The following NBPF20 variants were observed in gnomAD, a reference collection of about 807,000 sequenced individuals.
NBPF20 encodes NBPF family member NBPF20.
A neutral mutation model predicts 68.1 loss-of-function variants in NBPF20; 90 were observed. That is an observed-to-expected ratio of 1.32 (90% CI 1.11 to 1.58). NBPF20 has a LOEUF of 1.58. Ranked by LOEUF, NBPF20 falls within the 40% of genes most tolerant of loss-of-function variation. NBPF20 has a pLI of 0.00. For missense variants in NBPF20, 816 were observed against 601.2 expected (o/e 1.36, Z -3.74); for synonymous variants, 290 against 228.1 (o/e 1.27, Z -2.45).
exon 8 of NBPF20, chr1:145,395,081 C>G: frequency 6.2e-7 from 1 of 1,608,878 alleles, no homozygotes. Context: ...TTGAGAGAGT[C>G]GAATAACCTT....
At chr1:145,406,023 A>G (rs1476816425), upstream of NBPF20, among the ~76,000 whole-genome samples, 5 of 147,034 alleles carry the variant, frequency 3.4e-5, no homozygotes, top group African/African-American at 1.3e-4. Context: ...GGTTCACGCT[A>G]TTCTCCTGCC....
chr1:145,311,938 A>G (rs1437354849), intron 112 of NBPF20, among the ~76,000 whole-genome samples: 73 of 107,380 alleles, frequency 6.8e-4, no homozygotes, highest in Admixed American at 1.4e-3. Context: ...AGTTGTGTGA[A>G]TTTGTCACAT....
chr1:145,292,733 G>C (rs1553658488), intron 136 of NBPF20, among the ~76,000 whole-genome samples: 2 of 136,296 alleles, frequency 1.5e-5, no homozygotes, highest in East Asian at 2.1e-4. Context: ...TTTGTCCCAA[G>C]TTTGTGCAAA....
the NBPF20 span, among the ~76,000 whole-genome samples, chr1:145,423,274 A>G: frequency 1.3e-5 from 2 of 152,062 alleles, no homozygotes; most frequent in Admixed American, 6.5e-5. Context: ...CCCCATCTCT[A>G]CTAAAAATAC....
chr1:145,409,507 T>C (rs1372822620), upstream of NBPF20, among the ~76,000 whole-genome samples: 1 of 144,440 alleles, frequency 6.9e-6, no homozygotes, highest in Non-Finnish European at 1.5e-5. Flanking sequence ...TTTGCCTAGG[T>C]TTTTCCTGGG....
intron 15 of NBPF20, among the ~76,000 whole-genome samples, 190 bp from the exon 21 acceptor site, chr1:145,388,680 CAGAG>C (rs1272087669): frequency 2.7e-4 from 6 of 22,062 alleles, no homozygotes; most frequent in African/African-American, 8.1e-4. Flanking sequence ...AAGAGAAAGA[CAGAG>C]AGAGAGAGAG....
chr1:145,407,221 T>G (rs1444798892), upstream of NBPF20, among the ~76,000 whole-genome samples: 1 of 150,604 alleles, frequency 6.6e-6, no homozygotes, highest in East Asian at 1.9e-4. Flanking sequence ...GGGTGGGAAC[T>G]GAACAATGAG....
intron 5 of NBPF20, 67 bp from the exon 11 acceptor site, chr1:145,400,661 C>A (rs1237210794): frequency 6.4e-7 from 1 of 1,561,494 alleles, no homozygotes; most frequent in Non-Finnish European, 8.8e-7. Flanking sequence ...CCAGGGAGTC[C>A]TAGCTGGTTT....
chr1:145,419,323 A>G, the NBPF20 span, among the ~76,000 whole-genome samples: 1 of 152,170 alleles, frequency 6.6e-6, no homozygotes, highest in African/African-American at 2.4e-5. Context: ...TTTTCCATTA[A>G]CAGGAACACG....
upstream of NBPF20, among the ~76,000 whole-genome samples, chr1:145,410,181 G>A (rs1256392079): frequency 1.3e-5 from 2 of 151,858 alleles, no homozygotes; most frequent in African/African-American, 4.8e-5. Flanking sequence ...TCACCAACAG[G>A]TGCTATTTTC....
upstream of NBPF20, among the ~76,000 whole-genome samples, chr1:145,406,199 A>G (rs200097338): frequency 2.7e-5 from 4 of 148,968 alleles, no homozygotes; most frequent in Non-Finnish European, 4.4e-5. Context: ...CTCCCAAAGT[A>G]CTGGGATTAC....
intron 3 of NBPF20, 70 bp from the exon 9 acceptor site, chr1:145,402,451 G>C (rs1209021993): frequency 5.1e-6 from 8 of 1,556,130 alleles, no homozygotes; most frequent in Middle Eastern, 2.3e-4. Context: ...TTGCAACAGA[G>C]ATTTCTGAGA....
chr1:145,291,321 T>A (rs587706233), exon 138 of NBPF20: 56 of 769,176 alleles, frequency 7.3e-5, no homozygotes, highest in Non-Finnish European at 1.1e-4. Context: ...CACAGTTATG[T>A]GAACGTGTCA....
chr1:145,421,328 G>A, the NBPF20 span, among the ~76,000 whole-genome samples: 5 of 152,170 alleles, frequency 3.3e-5, no homozygotes, highest in South Asian at 8.3e-4. Flanking sequence ...CTTTCGCTAG[G>A]TTATGCTACA....
chr1:145,308,463 AT>A lies in NBPF20; in HGVS notation c.14111-103del, dbSNP rs1487808395. 2.8e-3 allele frequency: 1,246 copies of A among 444,860 alleles called. 1 individual carries two copies. Among genetic ancestry groups the A allele is most frequent in the Admixed American group, 4.1e-3 (80 of 19,506 alleles). The allele number at this position is 444,860 out of a possible 1,614,324, so 27.6% of individuals were successfully genotyped here. A position where few individuals can be genotyped will look rare whatever the true frequency, so the allele number is the denominator to read the frequency against. ...ACACAGGGACCTCAGGCTCCTCAGC[AT>A]AAGAATAGGACACCGTGAGAGATAT... On this transcript the variant is annotated intron_variant, in intron 116 of 137. Coordinates refer to ENST00000369373, the Ensembl canonical transcript of NBPF20.
At chr1:145,403,288 G>A (rs542827) in exon 3 of NBPF20, 323 of 1,610,480 alleles carry the variant, frequency 2.0e-4, no homozygotes, top group Middle Eastern at 1.3e-3. Context: ...CCTCAGCATA[G>A]ATTTTATGAG....
intron 7 of NBPF20, among the ~76,000 whole-genome samples, chr1:145,397,858 C>T (rs1571367809): frequency 6.6e-6 from 1 of 152,148 alleles, no homozygotes; most frequent in African/African-American, 2.4e-5. Flanking sequence ...TGCAGAGACA[C>T]ACATAGGCTC....
At position 145,309,539 on chromosome 1, in the gene NBPF20, C is replaced by A. The variant is rs1286549032; in HGVS notation, c.13938-291G>T. Among the ~76,000 whole-genome samples the A allele has an allele frequency of 1.2e-4, 8 of 67,074 alleles. No homozygotes were observed. In the South Asian group the frequency reaches 3.0e-3, roughly 25 times the overall value. 44.0% of individuals were successfully genotyped at this position (67,074 alleles called of 152,430 possible). On this transcript the variant is annotated intron_variant, in intron 115 of 137. Transcript: ENST00000369373. Reference sequence around the variant, plus strand: ...CTCAGTGAATTATCCAGGTGACACACTGATGAGGGAGTAACAGGACACTCT... The same window carrying A: ...CTCAGTGAATTATCCAGGTGACACAATGATGAGGGAGTAACAGGACACTCT...
At chr1:145,291,568 A>G (rs1553657597) in exon 138 of NBPF20, 1 of 1,611,892 alleles carries the variant, frequency 6.2e-7, no homozygotes, top group Non-Finnish European at 8.5e-7. Flanking sequence ...CCAGGTGGAG[A>G]CTTGTCACCG....
Sources: gnomAD v4.1 joint callset for allele counts (sites outside exome capture counted in the v4.1 genomes callset) on GRCh38, gnomAD v4.1.1 for gene constraint, MANE v1.5 for transcripts, NCBI Gene and HGNC (gene_info 2026-07-23, HGNC 2026-07-21) for gene names.